AVIL: variants seen among roughly 807,000 people sequenced by gnomAD.
The protein encoded by AVIL is advillin.
Under a neutral mutation model 109.9 loss-of-function variants are expected in AVIL, and 78 were observed. The observed-to-expected ratio is 0.71, with a 90% confidence interval of 0.59 to 0.86. The LOEUF (loss-of-function observed/expected upper bound fraction) is 0.86. AVIL is among the 40% of genes least tolerant of loss of function. The probability of loss-of-function intolerance (pLI) is 0.00; values close to 1 mark genes in which losing one functional copy is unlikely to be tolerated. For missense variants in AVIL, 892 were observed against 1,016.5 expected (o/e 0.88, Z 1.67); for synonymous variants, 367 against 379.1 (o/e 0.97, Z 0.37).
rs569886571 is a variant in AVIL at position 57,811,313 on chromosome 12, G to A, written c.339-186C>T. Among the ~76,000 whole-genome samples, 216 of 152,270 alleles carry A rather than the reference G, an allele frequency of 1.4e-3. 2 individuals carry two copies. Among genetic ancestry groups the A allele is most frequent in the African/African-American group, 4.6e-3 (191 of 41,560 alleles). On this transcript the variant is annotated intron_variant, in intron 4 of 19. Coordinates refer to ENST00000549994, the MANE Select transcript of AVIL (RefSeq NM_006576.4). ...AGTGACTTTCTGGTAGCGAGTTGGG[G>A]CAGTCTTCTCTGAAGAAATGACATT... is the stretch of plus-strand genomic sequence containing the variant.
intron 2 of AVIL, chr12:57,815,533 A>G (rs1402886511): frequency 8.4e-7 from 1 of 1,190,532 alleles, no homozygotes; most frequent in Non-Finnish European, 1.1e-6. Context: ...CAAGCCCAAG[A>G]GGAGACGGGC....
At chr12:57,810,183 T>C (rs986772028) in intron 7 of AVIL, among the ~76,000 whole-genome samples, 166 bp downstream of exon 7, 4 of 152,118 alleles carry the variant, frequency 2.6e-5, no homozygotes, top group African/African-American at 9.7e-5. Context: ...ACTGCCTCCT[T>C]GAGTGGGGGA....
intron 14 of AVIL, 188 bp from the exon 15 acceptor site, chr12:57,803,857 G>A: frequency 1.3e-6 from 1 of 759,700 alleles, no homozygotes; most frequent in South Asian, 2.0e-5. Flanking sequence ...GTGGGGCAAA[G>A]AACAGGACTA....
At position 57,801,131 on chromosome 12, in the gene AVIL, G is replaced by T. The variant is rs1230491017; in HGVS notation, c.2220+13C>A. 1 of 1,612,418 alleles carries T rather than the reference G, an allele frequency of 6.2e-7. No homozygotes were observed. The highest frequency in any genetic ancestry group is 1.1e-5 in the South Asian group (1 of 90,928). The stretch of plus-strand genomic sequence containing the variant: ...CATGTGGCTGGCTTCTCCCAAGAGC[G>T]AACCCGACTCACAGCAGTGATTCGC... On this transcript the variant is annotated intron_variant, in intron 18 of 19. Transcript: ENST00000549994.
At position 57,816,050 on chromosome 12, in the gene AVIL, C is replaced by G; in HGVS notation, c.-10G>C. The G allele has an allele frequency of 6.2e-7, 1 of 1,608,946 alleles. No homozygotes were observed. Among genetic ancestry groups the G allele is most frequent in the South Asian group, 1.1e-5 (1 of 90,444 alleles). On this transcript the variant is annotated 5_prime_UTR_variant, in exon 2 of 20. Transcript: ENST00000549994. ...CACTGGTCAGAGGCATGATGCTTGT[C>G]TTTCCAGGACTGAAACATCACAGAA...
intron 14 of AVIL, 176 bp from the exon 15 acceptor site, chr12:57,803,845 G>T (rs1395482225): frequency 3.5e-6 from 3 of 854,734 alleles, no homozygotes; most frequent in African/African-American, 1.7e-5. Context: ...GAGGAAAACA[G>T]TGTGGGGCAA....
intron 14 of AVIL, among the ~76,000 whole-genome samples, chr12:57,805,254 A>G (rs1304724430): frequency 6.6e-6 from 1 of 151,654 alleles, no homozygotes; most frequent in East Asian, 1.9e-4. Context: ...GCGGGGTTTC[A>G]CCATGCTGGC....
Position 57,803,360 on chromosome 12 carries a change from G to A in AVIL, c.1849C>T (p.Arg617Cys), listed in dbSNP as rs147036496. ...LQQEILDVQSRLFECSNKTGQ... is the reference protein window; with the variant it reads ...LQQEILDVQSCLFECSNKTGQ... ...GTCTTATTGGAACATTCAAAGAGAC[G>A]AGACTGGACATCTAGGATTTCCTGC... Residue 617 changes from arginine (R) to cysteine (C), a missense_variant, in exon 16 of 20, where the codon CGT (arginine) becomes TGT (cysteine). Arg to Cys is a radical substitution (Grantham distance 180). Transcript: ENST00000549994. The A allele has an allele frequency of 5.9e-5, 95 of 1,614,174 alleles. No homozygotes were observed. Among genetic ancestry groups the A allele is most frequent in the Non-Finnish European group, 7.2e-5 (85 of 1,180,026 alleles).
intron 1 of AVIL, 102 bp from the exon 2 acceptor site, chr12:57,816,161 C>G: frequency 1.1e-6 from 1 of 895,282 alleles, no homozygotes; most frequent in Non-Finnish European, 1.7e-6. Context: ...GTCAGCCATC[C>G]TGCCACACCC....
chr12:57,811,816 C>T (rs1475098353), intron 4 of AVIL, among the ~76,000 whole-genome samples: 2 of 152,238 alleles, frequency 1.3e-5, no homozygotes, highest in South Asian at 2.1e-4. Flanking sequence ...ATATCAGGGG[C>T]AAAGTTTTGA....
In AVIL at chr12:57,816,001, G is replaced by A. The variant is rs757742898; in HGVS notation, c.40C>T (p.Pro14Ser). Residue 14 changes from proline to serine, a missense_variant, in exon 2 of 20, where the codon CCT becomes TCT. Pro to Ser is a moderately conservative substitution (Grantham distance 74, BLOSUM62 -1). Coordinates refer to ENST00000549994, the MANE Select transcript of AVIL (RefSeq NM_006576.4). ...TCTATTCTCCAGACAATGATCCCAG[G>A]GTCGTTGTCCACAGCCCTGAAGGCA... Reference protein sequence around the residue: ...TSAFRAVDNDPGIIVWRIEKM... With the variant: ...TSAFRAVDNDSGIIVWRIEKM... 1.2e-6 allele frequency: 2 copies of A among 1,614,178 alleles called. No homozygotes were observed. Among genetic ancestry groups the A allele is most frequent in the East Asian group, 4.5e-5 (2 of 44,886 alleles).
At chr12:57,816,677 T>G (rs1454190843) in intron 1 of AVIL, among the ~76,000 whole-genome samples, 1 of 151,488 alleles carries the variant, frequency 6.6e-6, no homozygotes, top group Non-Finnish European at 1.5e-5. Context: ...CAGTCAACTT[T>G]GACCTTCTCT....
At position 57,802,148 on chromosome 12, in the gene AVIL, C is replaced by G. The variant is rs1458360455; in HGVS notation, c.2151+12G>C. The G allele has an allele frequency of 1.9e-6, 3 of 1,613,446 alleles. No homozygotes were observed. Among genetic ancestry groups the G allele is most frequent in the Non-Finnish European group, 2.5e-6 (3 of 1,179,530 alleles). On this transcript the variant is annotated intron_variant, in intron 17 of 19. Coordinates refer to ENST00000549994, the MANE Select transcript of AVIL (RefSeq NM_006576.4). ...GGCAGGAAGTTAGAGCTTCCCTACT[C>G]TCTTTTCTTACACTCCAAATGTTAG... is the stretch of plus-strand genomic sequence containing the variant.
chr12:57,798,245 G>C (rs991774277), intron 19 of AVIL, among the ~76,000 whole-genome samples: 4 of 152,210 alleles, frequency 2.6e-5, no homozygotes, highest in Non-Finnish European at 4.4e-5. Context: ...GCAAGCGCCA[G>C]TTTCTTGCCA....
chr12:57,802,857 C>A, intron 16 of AVIL: 1 of 554,914 alleles, frequency 1.8e-6, no homozygotes, highest in Non-Finnish European at 3.2e-6. Flanking sequence ...TACTCCACTG[C>A]CCTTATGTGG....
At chr12:57,803,821 T>C (rs1470915148) in intron 14 of AVIL, 152 bp from the exon 15 acceptor site, 18 of 1,070,706 alleles carry the variant, frequency 1.7e-5, no homozygotes, top group Non-Finnish European at 1.6e-5. Flanking sequence ...TTTGTTCTAG[T>C]GCTGGGGAGT....
At chr12:57,799,433 A>G (rs919722886) in intron 19 of AVIL, among the ~76,000 whole-genome samples, 1 of 152,182 alleles carries the variant, frequency 6.6e-6, no homozygotes, top group East Asian at 1.9e-4. Flanking sequence ...AAGCTATTCC[A>G]GGTGTTTTAA....
chr12:57,801,376 T>C, intron 17 of AVIL, 164 bp from the exon 18 acceptor site: 1 of 553,032 alleles, frequency 1.8e-6, no homozygotes, highest in Non-Finnish European at 3.2e-6. Context: ...CATGCAGGCT[T>C]GAAAGGTGCT....
chr12:57,811,064 C>A lies in AVIL; in HGVS notation c.402G>T (p.Lys134Asn). Reference sequence around the variant, plus strand: ...TTTTCCCTTTCACATGTAGCAGCCGCTTCACGTCGTAGGTATTGGTCTCCA... The same window carrying A: ...TTTTCCCTTTCACATGTAGCAGCCGATTCACGTCGTAGGTATTGGTCTCCA... ...KHVETNTYDV[K>N]RLLHVKGKRN... The change falls in exon 5 of 20, where the codon AAG becomes AAT. Residue 134 changes from lysine to asparagine, a missense_variant. Lys to Asn is a moderately conservative substitution (Grantham distance 94). Coordinates refer to ENST00000549994, the MANE Select transcript of AVIL (RefSeq NM_006576.4). 1 of 1,614,186 alleles carries A rather than the reference C, an allele frequency of 6.2e-7. No individual in the cohort carries two copies. Among genetic ancestry groups the A allele is most frequent in the Non-Finnish European group, 8.5e-7 (1 of 1,180,044 alleles).
Sources: allele counts gnomAD v4.1 joint callset (sites outside exome capture counted in the v4.1 genomes callset), GRCh38; gene constraint gnomAD v4.1.1; transcripts MANE v1.5; gene names NCBI Gene and HGNC (gene_info 2026-07-23, HGNC 2026-07-21).